MACROH2A1: variants seen among roughly 807,000 people sequenced by gnomAD.
MACROH2A1 encodes the protein macroH2A.1 histone, also known as core histone macro-H2A.1.
Under a neutral mutation model 31.6 loss-of-function variants are expected in MACROH2A1, and 2 were observed. The ratio of observed to expected loss-of-function variants is 0.06; its 90% CI spans 0.03 to 0.20. MACROH2A1 has a LOEUF of 0.20. Among genes scored for constraint, MACROH2A1 ranks in the 10% least tolerant of loss-of-function variants. MACROH2A1 has a pLI of 1.00. For missense variants in MACROH2A1, 230 were observed against 474.0 expected (o/e 0.49, Z 4.78); for synonymous variants, 169 against 189.6 (o/e 0.89, Z 0.89).
At chr5:135,355,027 G>A (rs1027948188) in intron 5 of MACROH2A1, 3 of 453,178 alleles carry the variant, frequency 6.6e-6, no homozygotes, top group Admixed American at 2.4e-5. Context: ...TAAAATTCAC[G>A]CAATTTTTTC....
At chr5:135,342,548 TCTC>T (rs1760066923) in intron 8 of MACROH2A1, among the ~76,000 whole-genome samples, 1 of 152,122 alleles carries the variant, frequency 6.6e-6, no homozygotes, top group Non-Finnish European at 1.5e-5. Flanking sequence ...AAACTAGACT[TCTC>T]CTGTGGTGGT....
intron 5 of MACROH2A1, chr5:135,355,335 A>T (rs779163138): frequency 2.2e-6 from 1 of 445,118 alleles, no homozygotes; most frequent in Admixed American, 2.4e-5. Flanking sequence ...GGAAGTGCAG[A>T]CTACAGTACC....
chr5:135,393,841 T>C (rs1468927406), intron 1 of MACROH2A1, among the ~76,000 whole-genome samples: 1 of 152,174 alleles, frequency 6.6e-6, no homozygotes, highest in African/African-American at 2.4e-5. Flanking sequence ...CTTCCAATTA[T>C]AAATCACAAT....
At chr5:135,358,989 G>A (rs1157574990) in intron 5 of MACROH2A1, 6 of 985,280 alleles carry the variant, frequency 6.1e-6, no homozygotes, top group Non-Finnish European at 7.2e-6. Flanking sequence ...AGGAGGCCGT[G>A]ATCCCATTTC....
intron 1 of MACROH2A1, among the ~76,000 whole-genome samples, chr5:135,390,364 A>G (rs1197695837): frequency 1.3e-5 from 2 of 152,226 alleles, no homozygotes; most frequent in African/African-American, 2.4e-5. Flanking sequence ...GCACCATCCA[A>G]GGTCTCGAAT....
chr5:135,360,460 G>A (rs1166456615), intron 5 of MACROH2A1, 37 bp downstream of exon 5: 1 of 1,339,366 alleles, frequency 7.5e-7, no homozygotes, highest in Non-Finnish European at 1.1e-6. Flanking sequence ...CTGTCCCTTG[G>A]GGCCCTCGAG....
chr5:135,363,687 T>TAC (rs553856951), intron 4 of MACROH2A1, among the ~76,000 whole-genome samples: 8 of 152,266 alleles, frequency 5.3e-5, no homozygotes, highest in Non-Finnish European at 1.2e-4. Flanking sequence ...TTTGGGTATA[T>TAC]ACCCAGTAAT....
chr5:135,353,263 G>A (rs1761797842), intron 5 of MACROH2A1: 6 of 515,710 alleles, frequency 1.2e-5, no homozygotes, highest in East Asian at 3.3e-5. Context: ...TTCAGAGCCC[G>A]TGGGTGGCAC....
chr5:135,351,517 C>G (rs1351647818), intron 6 of MACROH2A1: 2 of 130,750 alleles, frequency 1.5e-5, no homozygotes, highest in African/African-American at 5.8e-5. Context: ...ATCTCTTACT[C>G]TAGCCTATCT....
chr5:135,342,364 C>G (rs564276545), intron 8 of MACROH2A1, among the ~76,000 whole-genome samples: 2 of 152,352 alleles, frequency 1.3e-5, no homozygotes, highest in East Asian at 3.9e-4. Flanking sequence ...TCATCACTCA[C>G]CGGGTTAGTG....
At chr5:135,341,041 T>A (rs1759758920) in intron 8 of MACROH2A1, among the ~76,000 whole-genome samples, 1 of 152,262 alleles carries the variant, frequency 6.6e-6, no homozygotes, top group Non-Finnish European at 1.5e-5. Flanking sequence ...TATGCTTCAA[T>A]TAAAAATTTC....
intron 5 of MACROH2A1, chr5:135,359,157 A>G: frequency 1.1e-6 from 1 of 879,676 alleles, no homozygotes; most frequent in Non-Finnish European, 1.3e-6. Flanking sequence ...GGCAGGAGGT[A>G]ACAAGAACAT....
intron 1 of MACROH2A1, among the ~76,000 whole-genome samples, chr5:135,394,202 C>A (rs1417481756): frequency 2.0e-5 from 3 of 152,212 alleles, no homozygotes; most frequent in Non-Finnish European, 2.9e-5. Context: ...CTGCAAACCA[C>A]CTTCATTCCC....
chr5:135,359,539 T>G, intron 5 of MACROH2A1: 1 of 985,098 alleles, frequency 1.0e-6, no homozygotes, highest in African/African-American at 1.7e-5. Flanking sequence ...CCACAGGAAT[T>G]GCATCATGAG....
intron 2 of MACROH2A1, among the ~76,000 whole-genome samples, chr5:135,385,601 CTTCCCCATG>C (rs1343735352): frequency 6.6e-6 from 1 of 152,210 alleles, no homozygotes; most frequent in Non-Finnish European, 1.5e-5. Context: ...CTCTCTGTAG[CTTCCCCATG>C]TTCTGGGAAG....
At chr5:135,370,198 C>T (rs1673247870) in intron 2 of MACROH2A1, 56 bp from the exon 3 acceptor site, 2 of 1,076,312 alleles carry the variant, frequency 1.9e-6, no homozygotes, top group Non-Finnish European at 2.8e-6. Flanking sequence ...TGTCCCCGCC[C>T]CGGTCCCCAC....
chr5:135,343,612 G>A, intron 7 of MACROH2A1, 178 bp from the exon 8 acceptor site: 1 of 970,188 alleles, frequency 1.0e-6, no homozygotes, highest in Non-Finnish European at 1.5e-6. Context: ...CTGGAGCCAA[G>A]CCACACCCTT....
chr5:135,394,035 G>A (rs531916463), intron 1 of MACROH2A1, among the ~76,000 whole-genome samples: 2 of 152,122 alleles, frequency 1.3e-5, no homozygotes, highest in Non-Finnish European at 2.9e-5. Flanking sequence ...TAATTAGAAG[G>A]CTGGCTATGT....
chr5:135,348,031 T>G (rs763181712), intron 6 of MACROH2A1, among the ~76,000 whole-genome samples: 8 of 152,234 alleles, frequency 5.3e-5, no homozygotes, highest in Non-Finnish European at 1.5e-5. Context: ...GTGTTTAAAA[T>G]TTTTACTTAT....
Sources: gnomAD v4.1 joint callset for allele counts (sites outside exome capture counted in the v4.1 genomes callset) on GRCh38, gnomAD v4.1.1 for gene constraint, MANE v1.5 for transcripts, NCBI Gene and HGNC (gene_info 2026-07-23, HGNC 2026-07-21) for gene names.